The following LRFN5 variants were observed in gnomAD, a reference collection of about 807,000 sequenced individuals.
The protein encoded by LRFN5 is leucine rich repeat and fibronectin type III domain containing 5.
In LRFN5, 24 loss-of-function variants were observed where a neutral mutation model predicts 45.6. That is an observed-to-expected ratio of 0.53 (90% CI 0.38 to 0.74). The LOEUF is 0.74. Among genes scored for constraint, LRFN5 ranks in the 30% least tolerant of loss-of-function variants. The pLI, the probability that LRFN5 is intolerant of heterozygous loss-of-function variation, is 0.00. For synonymous variants in LRFN5, 340 were observed against 313.8 expected (o/e 1.08, Z -0.88); for missense variants, 776 against 861.5 (o/e 0.90, Z 1.24).
intron 1 of LRFN5, among the ~76,000 whole-genome samples, chr14:41,642,465 A>G (rs1296550700): frequency 3.3e-5 from 5 of 152,184 alleles, no homozygotes; most frequent in African/African-American, 9.6e-5. Context: ...ATAGTTCCCA[A>G]AGCTTTCGAA....
intron 1 of LRFN5, among the ~76,000 whole-genome samples, chr14:41,711,904 G>C (rs1336052501): frequency 6.6e-6 from 1 of 152,136 alleles, no homozygotes; most frequent in African/African-American, 2.4e-5. Flanking sequence ...ACATATATAT[G>C]AATCAAAATG....
chr14:41,890,500 G>A (rs1008825405), intron 3 of LRFN5, among the ~76,000 whole-genome samples: 2 of 151,604 alleles, frequency 1.3e-5, no homozygotes, highest in Middle Eastern at 3.4e-3. Flanking sequence ...GAGGTCAGGA[G>A]ATCGAGACCA....
At chr14:41,636,121 A>G (rs542900170) in intron 1 of LRFN5, among the ~76,000 whole-genome samples, 1 of 152,320 alleles carries the variant, frequency 6.6e-6, no homozygotes, top group African/African-American at 2.4e-5. Context: ...CTGTTGAGAA[A>G]TTATACTGTT....
In LRFN5 at chr14:41,725,522, A is replaced by G. The variant is rs992228522; in HGVS notation, c.-196-41332A>G. Among the ~76,000 whole-genome samples, 9 of 151,542 alleles carry G rather than the reference A, an allele frequency of 5.9e-5. No homozygotes were observed. In the East Asian group the frequency reaches 7.8e-4, roughly 13 times the overall value. Reference sequence around the variant, plus strand: ...AAAACTAGTCATCTCTCTGAAAACTATAAGCCAGAAGTCATTCTTAATTCC... The same window carrying G: ...AAAACTAGTCATCTCTCTGAAAACTGTAAGCCAGAAGTCATTCTTAATTCC... On this transcript the variant is annotated intron_variant, in intron 1 of 5. Coordinates refer to ENST00000298119, the MANE Select transcript of LRFN5 (RefSeq NM_152447.5).
intron 2 of LRFN5, among the ~76,000 whole-genome samples, chr14:41,799,642 G>T (rs1887256181): frequency 6.6e-6 from 1 of 151,654 alleles, no homozygotes; most frequent in Non-Finnish European, 1.5e-5. Flanking sequence ...TCTGTTGATG[G>T]CTTCAGACTG....
At chr14:41,879,026 G>T (rs1594489342) in intron 2 of LRFN5, among the ~76,000 whole-genome samples, 1 of 151,956 alleles carries the variant, frequency 6.6e-6, no homozygotes, top group Middle Eastern at 3.5e-3. Context: ...CAATTTATAT[G>T]ATTTTTTTTT....
intron 1 of LRFN5, among the ~76,000 whole-genome samples, chr14:41,712,764 C>T (rs1883338590): frequency 6.6e-6 from 1 of 151,994 alleles, no homozygotes; most frequent in African/African-American, 2.4e-5. Flanking sequence ...CCAAACTTTC[C>T]ACTTTTGCTG....
At chr14:41,711,782 A>G (rs1350266802) in intron 1 of LRFN5, among the ~76,000 whole-genome samples, 7 of 152,216 alleles carry the variant, frequency 4.6e-5, no homozygotes, top group East Asian at 3.8e-4. Flanking sequence ...GAATAAGACA[A>G]TACAACCAAG....
intron 1 of LRFN5, among the ~76,000 whole-genome samples, chr14:41,652,606 G>A (rs1880182339): frequency 6.6e-6 from 1 of 151,618 alleles, no homozygotes; most frequent in Non-Finnish European, 1.5e-5. Context: ...CTAGGACCAG[G>A]GAAAACCTCC....
At chr14:41,609,272 C>G (rs1269584322) in intron 1 of LRFN5, among the ~76,000 whole-genome samples, 2 of 152,148 alleles carry the variant, frequency 1.3e-5, no homozygotes, top group African/African-American at 2.4e-5. Context: ...AACATTCTCT[C>G]CAGCTGTATT....
chr14:41,660,439 C>A (rs1265317289), intron 1 of LRFN5, among the ~76,000 whole-genome samples: 1 of 152,074 alleles, frequency 6.6e-6, no homozygotes, highest in Non-Finnish European at 1.5e-5. Context: ...ACAATTGTAT[C>A]CTGGTCTACA....
At chr14:41,873,771 T>G (rs1388023350) in intron 2 of LRFN5, among the ~76,000 whole-genome samples, 1 of 152,180 alleles carries the variant, frequency 6.6e-6, no homozygotes, top group Non-Finnish European at 1.5e-5. Context: ...ATAGAGCATC[T>G]CCATACTGAT....
At chr14:41,686,312 A>C (rs1260124076) in intron 1 of LRFN5, among the ~76,000 whole-genome samples, 11 of 151,902 alleles carry the variant, frequency 7.2e-5, no homozygotes, top group African/African-American at 1.2e-4. Flanking sequence ...TTGCACATTG[A>C]TTCTGTATCC....
At chr14:41,814,485 C>T (rs1887849187) in intron 2 of LRFN5, among the ~76,000 whole-genome samples, 1 of 152,084 alleles carries the variant, frequency 6.6e-6, no homozygotes, top group Non-Finnish European at 1.5e-5. Context: ...CCAGTTTTCT[C>T]CTTAATTTCT....
At chr14:41,676,021 C>A (rs1881613075) in intron 1 of LRFN5, among the ~76,000 whole-genome samples, 1 of 152,146 alleles carries the variant, frequency 6.6e-6, no homozygotes, top group Non-Finnish European at 1.5e-5. Flanking sequence ...TGTGAGCAAC[C>A]AAGAAGGGAA....
intron 2 of LRFN5, among the ~76,000 whole-genome samples, chr14:41,779,333 A>G (rs1362119976): frequency 1.3e-5 from 2 of 151,880 alleles, no homozygotes; most frequent in African/African-American, 2.4e-5. Context: ...ATCTGATTTC[A>G]TCATGGTGTA....
At chr14:41,822,658 T>C (rs1391377212) in intron 2 of LRFN5, among the ~76,000 whole-genome samples, 2 of 151,990 alleles carry the variant, frequency 1.3e-5, no homozygotes, top group Non-Finnish European at 2.9e-5. Flanking sequence ...TCTGTTAGGT[T>C]CATTTGGTCT....
chr14:41,660,362 T>TTTCAACCCC (rs1416453628), intron 1 of LRFN5, among the ~76,000 whole-genome samples: 1 of 152,066 alleles, frequency 6.6e-6, no homozygotes, highest in Non-Finnish European at 1.5e-5. Context: ...AGTGCTTCTA[T>TTTCAACCCC]TTCAACCCCA....
chr14:41,786,457 G>C (rs1246673803), intron 2 of LRFN5, among the ~76,000 whole-genome samples: 1 of 150,870 alleles, frequency 6.6e-6, no homozygotes, highest in Non-Finnish European at 1.5e-5. Context: ...TATTTTCTGA[G>C]AACAGCATAC....
Sources: gnomAD v4.1 joint callset for allele counts (sites outside exome capture counted in the v4.1 genomes callset) on GRCh38, gnomAD v4.1.1 for gene constraint, MANE v1.5 for transcripts, NCBI Gene and HGNC (gene_info 2026-07-23, HGNC 2026-07-21) for gene names.